Variants in CSMD1 observed in about 807,000 individuals in gnomAD.
CSMD1 encodes the protein CUB and sushi domain-containing protein 1.
Under a neutral mutation model 417.5 loss-of-function variants are expected in CSMD1, and 213 were observed. The ratio of observed to expected loss-of-function variants is 0.51; its 90% confidence interval spans 0.46 to 0.57. The LOEUF (loss-of-function observed/expected upper bound fraction) is 0.57, where lower values mean the gene tolerates loss of function less well. Ranked by LOEUF, CSMD1 falls within the 20% of genes least tolerant of loss-of-function variation. The probability of loss-of-function intolerance (pLI) is 0.00; values close to 1 mark genes in which losing one functional copy is unlikely to be tolerated. For missense variants in CSMD1, 6,923 were observed against 4,529.7 expected (o/e 1.53, Z -15.17); for synonymous variants, 2,862 against 1,736.8 (o/e 1.65, Z -16.11).
intron 5 of CSMD1, among the ~76,000 whole-genome samples, chr8:3,769,909 TG>T (rs1397537454): frequency 2.0e-5 from 3 of 152,224 alleles, no homozygotes; most frequent in African/African-American, 4.8e-5. Flanking sequence ...TTTTGAGAAA[TG>T]CCTATTGCAA....
chr8:3,877,419 G>A (rs776753243), intron 5 of CSMD1, among the ~76,000 whole-genome samples: 65 of 152,296 alleles, frequency 4.3e-4, no homozygotes, highest in Middle Eastern at 6.8e-3. Flanking sequence ...GCTCAGAAGC[G>A]GAGTCTAGCG....
chr8:3,561,439 T>C (rs1156940815), intron 10 of CSMD1, among the ~76,000 whole-genome samples: 3 of 150,072 alleles, frequency 2.0e-5, no homozygotes, highest in African/African-American at 2.4e-5. Context: ...ACACCATGGA[T>C]ACCACACAAT....
At chr8:3,122,596 G>T (rs750189259) in intron 41 of CSMD1, among the ~76,000 whole-genome samples, 1 of 152,114 alleles carries the variant, frequency 6.6e-6, no homozygotes, top group Non-Finnish European at 1.5e-5. Context: ...GCATCAGAGG[G>T]TCCAATCAAT....
chr8:3,466,149 A>G (rs765172883), intron 12 of CSMD1, among the ~76,000 whole-genome samples: 3 of 152,048 alleles, frequency 2.0e-5, no homozygotes, highest in African/African-American at 7.3e-5. Flanking sequence ...TGAGCCTTAC[A>G]TGTTTTACTC....
At chr8:3,874,825 G>A (rs1176769076) in intron 5 of CSMD1, among the ~76,000 whole-genome samples, 1 of 152,100 alleles carries the variant, frequency 6.6e-6, no homozygotes, top group Non-Finnish European at 1.5e-5. Context: ...CAAAGACGGG[G>A]TCAATTTCGG....
At chr8:3,656,528 A>G (rs776014767) in intron 7 of CSMD1, among the ~76,000 whole-genome samples, 16 of 152,204 alleles carry the variant, frequency 1.1e-4, no homozygotes, top group Non-Finnish European at 1.5e-4. Context: ...TCTAATCCGC[A>G]AAATAATGGG....
At chr8:4,689,590 A>T (rs1806631471) in intron 1 of CSMD1, among the ~76,000 whole-genome samples, 2 of 152,254 alleles carry the variant, frequency 1.3e-5, no homozygotes, top group African/African-American at 2.4e-5. Flanking sequence ...TGAATAACAC[A>T]GTTCAGTAAG....
intron 3 of CSMD1, among the ~76,000 whole-genome samples, chr8:4,353,497 A>C (rs1563085154): frequency 6.6e-6 from 1 of 152,076 alleles, no homozygotes; most frequent in Non-Finnish European, 1.5e-5. Flanking sequence ...AAAATTGGTC[A>C]AATGAATCCA....
intron 2 of CSMD1, among the ~76,000 whole-genome samples, chr8:4,619,169 AC>A (rs1296236743): frequency 6.6e-6 from 1 of 152,116 alleles, no homozygotes; most frequent in African/African-American, 2.4e-5. Context: ...TTTATCACTT[AC>A]TTTTAAGGGT....
chr8:4,110,959 G>A (rs578232661), intron 3 of CSMD1, among the ~76,000 whole-genome samples: 3 of 152,192 alleles, frequency 2.0e-5, no homozygotes, highest in Non-Finnish European at 1.5e-5. Context: ...AAGTATTACA[G>A]TTTCTTTCTA....
intron 3 of CSMD1, among the ~76,000 whole-genome samples, chr8:4,308,334 A>G (rs1312775320): frequency 4.0e-5 from 6 of 151,722 alleles, no homozygotes; most frequent in Non-Finnish European, 5.9e-5. Flanking sequence ...TCTGGTGTGT[A>G]TCGTTTGTGG....
intron 5 of CSMD1, among the ~76,000 whole-genome samples, chr8:3,818,274 A>G (rs1343327260): frequency 6.6e-6 from 1 of 152,122 alleles, no homozygotes; most frequent in East Asian, 1.9e-4. Flanking sequence ...CACCCTCTCT[A>G]TTCAGAGCCA....
At chr8:4,909,558 T>G (rs761523133) in intron 1 of CSMD1, among the ~76,000 whole-genome samples, 1 of 152,148 alleles carries the variant, frequency 6.6e-6, no homozygotes, top group African/African-American at 2.4e-5. Flanking sequence ...TGTCCATTTT[T>G]CCTTGACCTG....
At chr8:4,352,409 A>C (rs1205448136) in intron 3 of CSMD1, among the ~76,000 whole-genome samples, 2 of 152,264 alleles carry the variant, frequency 1.3e-5, no homozygotes. Context: ...AAATGAGAAC[A>C]CCAGTATAAA....
chr8:4,339,646 C>G (rs1425012191), intron 3 of CSMD1, among the ~76,000 whole-genome samples: 3 of 152,072 alleles, frequency 2.0e-5, no homozygotes, highest in Non-Finnish European at 4.4e-5. Flanking sequence ...AAACATTCAT[C>G]AGATGATTCA....
chr8:4,384,774 G>T (rs1456931697), intron 3 of CSMD1, among the ~76,000 whole-genome samples: 1 of 152,174 alleles, frequency 6.6e-6, no homozygotes, highest in Admixed American at 6.5e-5. Context: ...TACCGGTCGG[G>T]CTTCCCGACT....
intron 3 of CSMD1, among the ~76,000 whole-genome samples, chr8:4,263,196 T>G (rs1804003740): frequency 6.6e-6 from 1 of 152,064 alleles, no homozygotes; most frequent in Non-Finnish European, 1.5e-5. Context: ...GTGCCGTGTA[T>G]TCTAGTATTC....
intron 23 of CSMD1, among the ~76,000 whole-genome samples, chr8:3,329,853 G>C (rs990110109): frequency 1.3e-5 from 2 of 152,168 alleles, no homozygotes; most frequent in Non-Finnish European, 2.9e-5. Context: ...AGGGCACAGT[G>C]CCTATGGCCC....
At chr8:4,330,559 C>T (rs976718604) in intron 3 of CSMD1, among the ~76,000 whole-genome samples, 1 of 151,228 alleles carries the variant, frequency 6.6e-6, no homozygotes, top group Admixed American at 6.6e-5. Flanking sequence ...CACAGCACTT[C>T]AGCCTGGGCA....
Sources: allele counts gnomAD v4.1 joint callset (sites outside exome capture counted in the v4.1 genomes callset), GRCh38; gene constraint gnomAD v4.1.1; transcripts MANE v1.5; gene names NCBI Gene and HGNC (gene_info 2026-07-23, HGNC 2026-07-21).